EPHA4: variants seen among roughly 807,000 people sequenced by gnomAD.
EPHA4 encodes ephrin type-A receptor 4.
Under a neutral mutation model 108.3 loss-of-function variants are expected in EPHA4, and 19 were observed. The ratio of observed to expected loss-of-function variants is 0.18; its 90% CI spans 0.12 to 0.26. The LOEUF (loss-of-function observed/expected upper bound fraction) is 0.26, where lower values mean the gene tolerates loss of function less well. Among genes scored for constraint, EPHA4 ranks in the 10% least tolerant of loss-of-function variants. The pLI, the probability that EPHA4 is intolerant of heterozygous loss-of-function variation, is 1.00. For synonymous variants in EPHA4, 449 were observed against 455.5 expected (o/e 0.99, Z 0.18); for missense variants, 917 against 1,254.0 (o/e 0.73, Z 4.06).
intron 8 of EPHA4, among the ~76,000 whole-genome samples, chr2:221,454,202 A>G (rs1056604663): frequency 2.6e-5 from 4 of 151,976 alleles, no homozygotes; most frequent in African/African-American, 9.7e-5. Context: ...AATAAATTAA[A>G]TAAATACATG....
chr2:221,483,707 C>T (rs990546059), intron 4 of EPHA4, among the ~76,000 whole-genome samples: 2 of 152,028 alleles, frequency 1.3e-5, no homozygotes, highest in African/African-American at 4.8e-5. Context: ...GCCATGTTGG[C>T]CAGGCCAGTC....
rs192400021 is a variant in EPHA4 at position 221,446,728 on chromosome 2, T to C, written c.1716-547A>G. Among the ~76,000 whole-genome samples the C allele has an allele frequency of 4.7e-4, 71 of 152,282 alleles. 1 individual carries two copies. The highest frequency in any genetic ancestry group is 1.6e-3 in the African/African-American group (67 of 41,560). On this transcript the variant is annotated intron_variant, in intron 8 of 17. Transcript: ENST00000281821. ...ACATGATACTCTTGAAACAATACTT[T>C]TGCGGTCACTGGTTTCAGTTGCTGC...
At chr2:221,492,900 CTA>C (rs1174200260) in intron 4 of EPHA4, among the ~76,000 whole-genome samples, 13 of 152,148 alleles carry the variant, frequency 8.5e-5, no homozygotes, top group African/African-American at 3.1e-4. Flanking sequence ...CAGTATGAAA[CTA>C]TACTATTACA....
chr2:221,447,917 C>T (rs1690645434), intron 8 of EPHA4, among the ~76,000 whole-genome samples: 2 of 151,950 alleles, frequency 1.3e-5, no homozygotes, highest in African/African-American at 4.8e-5. Flanking sequence ...TCTCAGCTCA[C>T]TGCAACCTCC....
chr2:221,538,049 GTATAC>G (rs1693723324), intron 3 of EPHA4, among the ~76,000 whole-genome samples: 1 of 129,800 alleles, frequency 7.7e-6, no homozygotes, highest in East Asian at 2.0e-4. Context: ...TTTTGTGTAA[GTATAC>G]TGCCCAGCAA....
intron 5 of EPHA4, among the ~76,000 whole-genome samples, chr2:221,470,539 G>C (rs1241350930): frequency 1.4e-5 from 2 of 148,090 alleles, no homozygotes; most frequent in Non-Finnish European, 3.0e-5. Flanking sequence ...TCACTTTAGG[G>C]AACCTCTGCT....
intron 17 of EPHA4, among the ~76,000 whole-genome samples, chr2:221,423,875 G>A (rs534562939): frequency 1.6e-4 from 24 of 152,238 alleles, no homozygotes; most frequent in African/African-American, 5.1e-4. Flanking sequence ...CAACACTTTG[G>A]GAGGCTGAGG....
chr2:221,445,832 C>T (rs903179635), intron 9 of EPHA4, among the ~76,000 whole-genome samples: 3 of 151,904 alleles, frequency 2.0e-5, no homozygotes, highest in African/African-American at 7.3e-5. Context: ...TTAATTTTGC[C>T]ACCCAGCTAC....
chr2:221,493,473 G>A (rs1164345567), intron 4 of EPHA4, among the ~76,000 whole-genome samples: 2 of 152,012 alleles, frequency 1.3e-5, no homozygotes, highest in Non-Finnish European at 2.9e-5. Context: ...AATAAAAAAG[G>A]AAAAGAGTCC....
intron 8 of EPHA4, among the ~76,000 whole-genome samples, chr2:221,447,717 A>G (rs952358315): frequency 6.6e-6 from 1 of 152,226 alleles, no homozygotes; most frequent in Non-Finnish European, 1.5e-5. Context: ...CCAACTTAGC[A>G]AAACAGAGAC....
At chr2:221,489,976 T>A (rs1030990067) in intron 4 of EPHA4, among the ~76,000 whole-genome samples, 1 of 152,076 alleles carries the variant, frequency 6.6e-6, no homozygotes, top group Middle Eastern at 3.4e-3. Flanking sequence ...TGAAACCCTG[T>A]CCCTGCAAAA....
chr2:221,545,222 CGG>C (rs1192756105), intron 3 of EPHA4, among the ~76,000 whole-genome samples: 10 of 22,794 alleles, frequency 4.4e-4, no homozygotes, highest in Non-Finnish European at 6.9e-4. Flanking sequence ...CCGAGGTGGG[CGG>C]ATCACGAGGT....
chr2:221,438,195 C>A (rs1183768705), intron 11 of EPHA4, among the ~76,000 whole-genome samples: 2 of 151,020 alleles, frequency 1.3e-5, no homozygotes, highest in Admixed American at 6.6e-5. Flanking sequence ...TTTTTTTCTG[C>A]AAAGAAATAA....
intron 3 of EPHA4, among the ~76,000 whole-genome samples, chr2:221,508,904 A>ATT (rs1692719635): frequency 9.8e-5 from 6 of 61,372 alleles, no homozygotes; most frequent in Admixed American, 1.6e-4. Flanking sequence ...GTTTTTTGAT[A>ATT]CTGTTTCACA....
At chr2:221,456,890 T>A (rs2106118078) in intron 6 of EPHA4, 118 bp from the exon 7 acceptor site, 1 of 1,039,156 alleles carries the variant, frequency 9.6e-7, no homozygotes, top group East Asian at 2.5e-5. Context: ...TAAATGGAGA[T>A]GAATAAACTC....
chr2:221,544,813 G>A (rs1276612231), intron 3 of EPHA4, among the ~76,000 whole-genome samples: 2 of 152,060 alleles, frequency 1.3e-5, no homozygotes, highest in Non-Finnish European at 2.9e-5. Flanking sequence ...TTCTGATAAG[G>A]CTAGTACCCT....
intron 8 of EPHA4, among the ~76,000 whole-genome samples, chr2:221,455,224 C>T (rs1690907395): frequency 6.6e-6 from 1 of 152,154 alleles, no homozygotes; most frequent in African/African-American, 2.4e-5. Context: ...TTTTTCTTGC[C>T]TTTGGCAGTG....
intron 3 of EPHA4, among the ~76,000 whole-genome samples, chr2:221,539,600 A>G (rs1037194196): frequency 3.3e-5 from 5 of 152,340 alleles, no homozygotes; most frequent in Middle Eastern, 3.4e-3. Context: ...TTGAAGAAAG[A>G]GCTTGGAGAC....
chr2:221,424,594 G>A (rs944173949), intron 17 of EPHA4, among the ~76,000 whole-genome samples: 1 of 152,114 alleles, frequency 6.6e-6, no homozygotes, highest in Non-Finnish European at 1.5e-5. Context: ...AAAGCTAATA[G>A]GTTTATGGAT....
Sources: gnomAD v4.1 joint callset for allele counts (sites outside exome capture counted in the v4.1 genomes callset) on GRCh38, gnomAD v4.1.1 for gene constraint, MANE v1.5 for transcripts, NCBI Gene and HGNC (gene_info 2026-07-23, HGNC 2026-07-21) for gene names.